The following SNX14 variants were observed in gnomAD, a reference collection of about 807,000 sequenced individuals.
SNX14 encodes the protein sorting nexin-14.
In SNX14, 93 loss-of-function variants were observed where a neutral mutation model predicts 133.8. The observed-to-expected ratio is 0.70, with a 90% CI of 0.59 to 0.83. The LOEUF (loss-of-function observed/expected upper bound fraction) is 0.83. Among genes scored for constraint, SNX14 ranks in the 40% least tolerant of loss-of-function variants. SNX14 has a pLI of 0.00. For missense variants in SNX14, 945 were observed against 1,094.9 expected, an observed-to-expected ratio of 0.86 and a Z score of 1.93; for synonymous variants, 368 against 365.6, an observed-to-expected ratio of 1.01 and a Z score of -0.07.
intron 23 of SNX14, 22 bp from the exon 24 acceptor site, chr6:85,514,651 T>C (rs749731368): frequency 1.3e-6 from 2 of 1,594,310 alleles, no homozygotes; most frequent in Non-Finnish European, 1.7e-6. Flanking sequence ...GTTGGAATAA[T>C]AAAGAGATAT....
At chr6:85,557,187 A>C (rs1790064168) in intron 7 of SNX14, among the ~76,000 whole-genome samples, 1 of 152,208 alleles carries the variant, frequency 6.6e-6, no homozygotes, top group African/African-American at 2.4e-5. Context: ...ATACTTCAGA[A>C]ACCACTGACA....
intron 1 of SNX14, among the ~76,000 whole-genome samples, chr6:85,590,153 T>C (rs979804906): frequency 1.3e-5 from 2 of 152,212 alleles, no homozygotes; most frequent in African/African-American, 4.8e-5. Context: ...ATGATTCTTG[T>C]TGTCCAGGCC....
At chr6:85,511,699 T>TA (rs1452247749) in intron 26 of SNX14, among the ~76,000 whole-genome samples, 1 of 152,226 alleles carries the variant, frequency 6.6e-6, no homozygotes, top group Non-Finnish European at 1.5e-5. Flanking sequence ...TGGACTACCT[T>TA]AATTGACTTT....
intron 19 of SNX14, among the ~76,000 whole-genome samples, chr6:85,529,388 G>C (rs59407272): frequency 1.3e-5 from 2 of 151,828 alleles, no homozygotes; most frequent in African/African-American, 2.4e-5. Flanking sequence ...ATGAAGGAAG[G>C]AAACAAGGGA....
intron 23 of SNX14, 75 bp from the exon 24 acceptor site, chr6:85,514,704 T>C: frequency 6.9e-7 from 1 of 1,448,522 alleles, no homozygotes; most frequent in Non-Finnish European, 9.5e-7. Context: ...AAGGATTAAG[T>C]GTCACACAGC....
At chr6:85,542,160 T>C in intron 14 of SNX14, 117 bp from the exon 15 acceptor site, 2 of 612,746 alleles carry the variant, frequency 3.3e-6, no homozygotes, top group Non-Finnish European at 5.3e-6. Context: ...CTCAATCAAG[T>C]GAATACAGAC....
At position 85,593,721 on chromosome 6, in the gene SNX14, C is replaced by A; in HGVS notation, c.-3G>T. The A allele has an allele frequency of 1.9e-6, 3 of 1,613,572 alleles. No homozygotes were observed. Among genetic ancestry groups the A allele is most frequent in the Non-Finnish European group, 2.5e-6 (3 of 1,179,932 alleles). ...ATCGTCCGCACCCAGGGCACCATCTCCGTAACGGCGAGGCCGAGACTGCGC... is the reference window on the plus strand; with the variant it reads ...ATCGTCCGCACCCAGGGCACCATCTACGTAACGGCGAGGCCGAGACTGCGC... On this transcript the variant is annotated 5_prime_UTR_variant, in exon 1 of 29. Transcript: ENST00000314673.
At chr6:85,586,451 A>G (rs565141821) in intron 1 of SNX14, among the ~76,000 whole-genome samples, 1 of 152,256 alleles carries the variant, frequency 6.6e-6, no homozygotes, top group African/African-American at 2.4e-5. Flanking sequence ...TTAGATACCA[A>G]TTAGAACAAC....
chr6:85,511,754 C>G (rs1031305148), intron 26 of SNX14, among the ~76,000 whole-genome samples: 2 of 152,202 alleles, frequency 1.3e-5, no homozygotes, highest in Non-Finnish European at 2.9e-5. Flanking sequence ...ATAAATCCCA[C>G]TTGGTGTATA....
Position 85,530,253 on chromosome 6 carries a change from C to G in SNX14, c.1833G>C (p.Trp611Cys). The part of the protein sequence containing the change: ...RRAVGHEPEH[W>C]SVYRRYLEFY... ...ATTCAAGATATCTTCTATAGACAGA[C>G]CAATGTTCAGGCTCGTGTCCAACTG... Residue 611 changes from tryptophan (W) to cysteine (C), a missense_variant, in exon 19 of 29, where the codon TGG becomes TGC. Transcript: ENST00000314673. 1 of 1,601,278 alleles carries G rather than the reference C, an allele frequency of 6.2e-7. No homozygotes were observed. The highest frequency in any genetic ancestry group is 8.5e-7 in the Non-Finnish European group (1 of 1,174,164).
At chr6:85,541,727 G>C (rs1348760864) in intron 15 of SNX14, among the ~76,000 whole-genome samples, 1 of 151,998 alleles carries the variant, frequency 6.6e-6, no homozygotes, top group Non-Finnish European at 1.5e-5. Context: ...CAATAAAGCT[G>C]GTAATCAAAA....
intron 14 of SNX14, 131 bp from the exon 15 acceptor site, chr6:85,542,174 G>A (rs1022992422): frequency 4.3e-5 from 23 of 540,296 alleles, no homozygotes; most frequent in Non-Finnish European, 6.3e-5. Context: ...TACAGACATG[G>A]TCAACTAGGG....
At chr6:85,515,398 G>A (rs1205108827) in intron 23 of SNX14, among the ~76,000 whole-genome samples, 1 of 151,640 alleles carries the variant, frequency 6.6e-6, no homozygotes, top group East Asian at 1.9e-4. Flanking sequence ...AATCAATGTT[G>A]GGGTGGGGGG....
chr6:85,552,464 G>A (rs965222628), intron 7 of SNX14, among the ~76,000 whole-genome samples: 2 of 152,156 alleles, frequency 1.3e-5, no homozygotes, highest in African/African-American at 4.8e-5. Context: ...TTAGGGGCCT[G>A]CTAGGACCCC....
chr6:85,590,629 T>C (rs919530008), intron 1 of SNX14, among the ~76,000 whole-genome samples: 3 of 152,222 alleles, frequency 2.0e-5, no homozygotes, highest in African/African-American at 7.2e-5. Flanking sequence ...TATCCTTTGC[T>C]GGCATTAAAT....
intron 1 of SNX14, among the ~76,000 whole-genome samples, chr6:85,592,963 G>A (rs373556867): frequency 4.5e-4 from 69 of 152,292 alleles, no homozygotes; most frequent in African/African-American, 1.5e-3. Flanking sequence ...GCGGTGAGCC[G>A]AGACCGCACC....
chr6:85,589,170 G>A (rs911492211), intron 1 of SNX14: 3 of 198,926 alleles, frequency 1.5e-5, no homozygotes, highest in South Asian at 8.0e-5. Flanking sequence ...AAGCAGTCTT[G>A]ATAATTGAAA....
intron 4 of SNX14, among the ~76,000 whole-genome samples, chr6:85,571,023 G>A (rs919074978): frequency 2.6e-5 from 4 of 152,036 alleles, no homozygotes; most frequent in Non-Finnish European, 4.4e-5. Context: ...TACCATATTA[G>A]ACAGAAGTCT....
chr6:85,552,335 T>G (rs895786835), intron 7 of SNX14, among the ~76,000 whole-genome samples: 9 of 152,198 alleles, frequency 5.9e-5, no homozygotes, highest in Non-Finnish European at 1.2e-4. Flanking sequence ...CAATAGCATT[T>G]ATTTTAGAAC....
Sources: gnomAD v4.1 joint callset for allele counts (sites outside exome capture counted in the v4.1 genomes callset) on GRCh38, gnomAD v4.1.1 for gene constraint, MANE v1.5 for transcripts, NCBI Gene and HGNC (gene_info 2026-07-23, HGNC 2026-07-21) for gene names.